KANK1: variants seen among roughly 807,000 people sequenced by gnomAD.
KANK1 encodes the protein KN motif and ankyrin repeat domains 1, also known as KN motif and ankyrin repeat domain-containing protein 1.
In KANK1, 109 loss-of-function variants were observed where a neutral mutation model predicts 106.2. The ratio of observed to expected loss-of-function variants is 1.03; its 90% CI spans 0.88 to 1.20. KANK1 has a LOEUF of 1.20. KANK1 is among the 50% of genes most tolerant of loss of function. KANK1 has a pLI of 0.00. For missense variants in KANK1, 2,399 were observed against 1,710.7 expected, an observed-to-expected ratio of 1.40 and a Z score of -7.10; for synonymous variants, 873 against 652.2, an observed-to-expected ratio of 1.34 and a Z score of -5.16.
Position 732,624 on chromosome 9 carries a change from T to C in KANK1, c.3245+7T>C, listed in dbSNP as rs1436354216. ...AGGTGGAAATCAGAGAGAGGTGTGGTACATTCCCCTTCCCTCCCTTGCCCC... is the reference window on the plus strand; with the variant it reads ...AGGTGGAAATCAGAGAGAGGTGTGGCACATTCCCCTTCCCTCCCTTGCCCC... On this transcript the variant is annotated splice_region_variant and intron_variant, in intron 6 of 11. Coordinates refer to ENST00000382297, the MANE Select transcript of KANK1 (RefSeq NM_015158.5). The C allele has an allele frequency of 3.1e-6, 5 of 1,611,268 alleles. No individual in the cohort carries two copies. The African/African-American group carries it at 4.0e-5, about 13-fold the overall frequency.
intron 1 of KANK1, among the ~76,000 whole-genome samples, chr9:524,816 T>C (rs2059710150): frequency 1.3e-5 from 2 of 151,384 alleles, no homozygotes; most frequent in South Asian, 4.2e-4. Flanking sequence ...CGTGCCCGGC[T>C]CGTTACTGGT....
intron 1 of KANK1, among the ~76,000 whole-genome samples, chr9:603,534 TTCTTAC>T (rs1341062608): frequency 6.6e-6 from 1 of 151,866 alleles, no homozygotes; most frequent in Non-Finnish European, 1.5e-5. Context: ...CATTCAGTAA[TTCTTAC>T]TCTTAACAGT....
intron 1 of KANK1, among the ~76,000 whole-genome samples, chr9:509,988 T>C (rs570234079): frequency 1.4e-3 from 195 of 139,768 alleles, no homozygotes; most frequent in Middle Eastern, 0.01. Context: ...TTTTTTTTTT[T>C]AGTTGTAGAG....
chr9:553,989 T>C (rs2061429149), intron 1 of KANK1, among the ~76,000 whole-genome samples: 1 of 152,212 alleles, frequency 6.6e-6, no homozygotes, highest in Non-Finnish European at 1.5e-5. Flanking sequence ...CCCCAGACCT[T>C]CTGATTCAGG....
In KANK1 at chr9:589,312, G is replaced by A. The variant is rs559607539; in HGVS notation, c.-84+84558G>A. On this transcript the variant is annotated intron_variant, in intron 1 of 11. Transcript: ENST00000382297. ...GAAATGGTCAGTGGCAGAGCTGAATGTGTACTCTGGGCCTTCTGACTGTAA... is the reference window on the plus strand; with the variant it reads ...GAAATGGTCAGTGGCAGAGCTGAATATGTACTCTGGGCCTTCTGACTGTAA... Among the ~76,000 whole-genome samples the A allele has an allele frequency of 6.6e-5, 10 of 152,274 alleles. No homozygotes were observed. The South Asian group carries it at 1.9e-3, about 28-fold the overall frequency.
chr9:685,889 C>T (rs1343024527), intron 2 of KANK1, among the ~76,000 whole-genome samples: 3 of 152,174 alleles, frequency 2.0e-5, no homozygotes, highest in Admixed American at 6.5e-5. Flanking sequence ...ATTGATTCAG[C>T]TTGTCCTGCC....
intron 1 of KANK1, among the ~76,000 whole-genome samples, chr9:601,505 G>T (rs1827736513): frequency 6.6e-6 from 1 of 151,774 alleles, no homozygotes; most frequent in Admixed American, 6.6e-5. Context: ...TTACCTTTAA[G>T]TTATGCTTTT....
intron 1 of KANK1, among the ~76,000 whole-genome samples, chr9:641,628 T>A (rs1159906584): frequency 1.3e-5 from 2 of 152,198 alleles, no homozygotes; most frequent in Non-Finnish European, 2.9e-5. Flanking sequence ...GCGTAGCCTG[T>A]GTCCTTTGTT....
chr9:658,798 T>C (rs571117987), intron 1 of KANK1, among the ~76,000 whole-genome samples: 32 of 152,270 alleles, frequency 2.1e-4, no homozygotes, highest in African/African-American at 7.2e-4. Flanking sequence ...CATAGGCACA[T>C]CTGTGTGGGT....
chr9:580,045 C>G (rs916788806), intron 1 of KANK1, among the ~76,000 whole-genome samples: 2 of 152,140 alleles, frequency 1.3e-5, no homozygotes, highest in African/African-American at 4.8e-5. Context: ...TGTTACAGTT[C>G]TTAAAGATGG....
chr9:593,959 G>A (rs1439452404), intron 1 of KANK1, among the ~76,000 whole-genome samples: 1 of 151,918 alleles, frequency 6.6e-6, no homozygotes, highest in East Asian at 1.9e-4. Context: ...TGGAGTAGGT[G>A]AGGGTGGAGA....
intron 1 of KANK1, among the ~76,000 whole-genome samples, chr9:661,222 C>G (rs1220575500): frequency 6.6e-6 from 1 of 151,956 alleles, no homozygotes; most frequent in Admixed American, 6.5e-5. Flanking sequence ...TGTGCTGTAC[C>G]CATTAGCTCG....
At chr9:723,456 A>G (rs1589200957) in intron 3 of KANK1, among the ~76,000 whole-genome samples, 1 of 152,104 alleles carries the variant, frequency 6.6e-6, no homozygotes, top group Non-Finnish European at 1.5e-5. Flanking sequence ...ACTTACACTT[A>G]AAATCAGTGC....
In KANK1 at chr9:716,169, G is replaced by A. The variant is rs4740865; in HGVS notation, c.2698+2705G>A. On this transcript the variant is annotated intron_variant, in intron 3 of 11. Transcript: ENST00000382297. ...AACCTAACACAGTATTCTAATTTAA[G>A]GAAGTTGTTCAGTTTGGGCTCTGAA... Among the ~76,000 whole-genome samples, 990 of 152,310 alleles carry A rather than the reference G, an allele frequency of 6.5e-3. 46 individuals carry two copies. The highest frequency in any genetic ancestry group is 0.059 in the Admixed American group (899 of 15,298).
chr9:620,207 G>C (rs1251548887), intron 1 of KANK1, among the ~76,000 whole-genome samples: 1 of 151,258 alleles, frequency 6.6e-6, no homozygotes, highest in South Asian at 2.1e-4. Context: ...ACTTTGTCAG[G>C]TACACTGGTG....
intron 1 of KANK1, among the ~76,000 whole-genome samples, chr9:629,682 T>C (rs1835206070): frequency 6.6e-6 from 1 of 152,214 alleles, no homozygotes; most frequent in African/African-American, 2.4e-5. Flanking sequence ...AACAACTCAG[T>C]TACAGTGCCT....
chr9:721,215 C>A (rs1453672123), intron 3 of KANK1, among the ~76,000 whole-genome samples: 4 of 152,150 alleles, frequency 2.6e-5, no homozygotes, highest in African/African-American at 9.7e-5. Context: ...TTACAGGGTT[C>A]CTAACCTGTG....
chr9:640,853 G>C (rs548892597), intron 1 of KANK1, among the ~76,000 whole-genome samples: 18 of 151,516 alleles, frequency 1.2e-4, no homozygotes, highest in African/African-American at 4.1e-4. Context: ...CCCGCCACCA[G>C]GCCCAGCTAA....
intron 6 of KANK1, chr9:734,130 AAAACTT>A (rs1163912208): frequency 8.0e-5 from 12 of 150,890 alleles, no homozygotes; most frequent in African/African-American, 2.9e-4. Flanking sequence ...AAAAAAAAAA[AAAACTT>A]AAAAATGGCA....
Sources: gnomAD v4.1 joint callset for allele counts (sites outside exome capture counted in the v4.1 genomes callset) on GRCh38, gnomAD v4.1.1 for gene constraint, MANE v1.5 for transcripts, NCBI Gene and HGNC (gene_info 2026-07-23, HGNC 2026-07-21) for gene names.